The following PGM1 variants were observed in gnomAD, a reference collection of about 807,000 sequenced individuals.
PGM1 encodes phosphoglucomutase-1.
PGM1 carries 52 observed loss-of-function variants against 55.6 expected under a neutral mutation model. That is an observed-to-expected ratio of 0.94 (90% CI 0.75 to 1.18). PGM1 has a LOEUF of 1.18. Among genes scored for constraint, PGM1 ranks in the 50% most tolerant of loss-of-function variants. PGM1 has a pLI of 0.00. For missense variants in PGM1, 724 were observed against 729.3 expected, an observed-to-expected ratio of 0.99 and a Z score of 0.08; for synonymous variants, 287 against 271.7, an observed-to-expected ratio of 1.06 and a Z score of -0.55.
At chr1:63,635,466 A>C (rs1649338489) in intron 5 of PGM1, among the ~76,000 whole-genome samples, 1 of 152,220 alleles carries the variant, frequency 6.6e-6, no homozygotes, top group Admixed American at 6.5e-5. Context: ...GATGATATTG[A>C]GAGAATTAAC....
At position 63,636,347 on chromosome 1, in the gene PGM1, C is replaced by T. The variant is rs79097301; in HGVS notation, c.987C>T (p.Arg329=). 1,299 of 1,614,114 alleles carry T rather than the reference C, an allele frequency of 8.0e-4. 20 individuals carry two copies. The East Asian group carries it at 0.026, about 32-fold the overall frequency. Reference sequence around the variant, plus strand: ...CGTATTTCCAGCAGACTGGGGTCCGCGGCTTTGCACGGAGCATGCCCACGA... The same window carrying T: ...CGTATTTCCAGCAGACTGGGGTCCGTGGCTTTGCACGGAGCATGCCCACGA... ...SIPYFQQTGV[R]GFARSMPTSG... is the part of the protein sequence containing the mutation. The change falls in exon 6 of 11, where the codon CGC becomes CGT. Residue 329 remains arginine, a synonymous_variant. Coordinates refer to ENST00000371084, the MANE Select transcript of PGM1 (RefSeq NM_002633.3).
At position 63,659,952 on chromosome 1, in the gene PGM1, G is replaced by A; in HGVS notation, c.*277G>A. ...GGGTATTTGTCTCCTTAGCCATCAG[G>A]TACAGTTTACACTACAATGTAAGCT... On this transcript the variant is annotated 3_prime_UTR_variant, in exon 11 of 11. Coordinates refer to ENST00000371084, the MANE Select transcript of PGM1 (RefSeq NM_002633.3). 1 of 551,964 alleles carries A rather than the reference G, an allele frequency of 1.8e-6. No homozygotes were observed. The highest frequency in any genetic ancestry group is 3.2e-5 in the East Asian group (1 of 31,136). 34.2% of individuals were successfully genotyped at this position (551,964 alleles called of 1,614,324 possible). A position where few individuals can be genotyped will look rare whatever the true frequency, so the allele number is the denominator to read the frequency against.
intron 1 of PGM1, among the ~76,000 whole-genome samples, chr1:63,611,881 C>T (rs749014611): frequency 2.7e-5 from 4 of 149,048 alleles, no homozygotes; most frequent in Non-Finnish European, 5.9e-5. Context: ...TCCAACCTGG[C>T]AACAGAGCGA....
chr1:63,654,610 A>G, intron 10 of PGM1, 144 bp downstream of exon 10: 2 of 747,822 alleles, frequency 2.7e-6, no homozygotes, highest in Admixed American at 2.4e-5. Context: ...TTCTTTCTCC[A>G]TGTCAACATT....
intron 10 of PGM1, among the ~76,000 whole-genome samples, chr1:63,656,256 T>C (rs1360711158): frequency 1.3e-5 from 2 of 152,184 alleles, no homozygotes; most frequent in East Asian, 3.9e-4. Flanking sequence ...TTAGGATGGC[T>C]GTTCTCAAAA....
chr1:63,625,525 A>G (rs539801334), intron 1 of PGM1, among the ~76,000 whole-genome samples: 2 of 152,314 alleles, frequency 1.3e-5, no homozygotes, highest in East Asian at 3.9e-4. Flanking sequence ...AACATATCCT[A>G]AATTCTGACT....
intron 4 of PGM1, among the ~76,000 whole-genome samples, chr1:63,633,695 T>C (rs903258202): frequency 1.3e-5 from 2 of 150,236 alleles, no homozygotes; most frequent in Admixed American, 1.3e-4. Flanking sequence ...TGAGACGGAG[T>C]CTTGCCCTGT....
At chr1:63,627,065 C>CAA (rs1288108294) in intron 1 of PGM1, among the ~76,000 whole-genome samples, 25 of 98,304 alleles carry the variant, frequency 2.5e-4, no homozygotes, top group African/African-American at 9.1e-4. Flanking sequence ...CCCCCCCCCC[C>CAA]CACACACACA....
intron 1 of PGM1, among the ~76,000 whole-genome samples, chr1:63,613,063 T>A (rs539987662): frequency 6.0e-4 from 92 of 152,194 alleles, no homozygotes; most frequent in African/African-American, 2.1e-3. Context: ...ATGCAGTCTC[T>A]CCATACCACA....
At chr1:63,629,403 T>G in intron 1 of PGM1, 22 bp from the exon 2 acceptor site, 2 of 1,609,154 alleles carry the variant, frequency 1.2e-6, no homozygotes, top group Non-Finnish European at 1.7e-6. Flanking sequence ...TTAAAGAGTG[T>G]GTTCTGGATT....
At chr1:63,597,784 A>G (rs2100953212) in intron 1 of PGM1, among the ~76,000 whole-genome samples, 1 of 152,318 alleles carries the variant, frequency 6.6e-6, no homozygotes, top group African/African-American at 2.4e-5. Context: ...AAGCTCACAA[A>G]TGAATGTGTG....
chr1:63,658,346 T>G (rs1650020133), intron 10 of PGM1, among the ~76,000 whole-genome samples: 1 of 53,492 alleles, frequency 1.9e-5, no homozygotes, highest in African/African-American at 1.9e-4. Flanking sequence ...AGATTAGTAG[T>G]TTTTTTTTTT....
chr1:63,650,850 G>A (rs1334115734), intron 8 of PGM1, among the ~76,000 whole-genome samples: 1 of 151,974 alleles, frequency 6.6e-6, no homozygotes, highest in Non-Finnish European at 1.5e-5. Context: ...GAACCCAAAG[G>A]ACCTTGGACC....
intron 1 of PGM1, among the ~76,000 whole-genome samples, chr1:63,624,778 C>T (rs1305414235): frequency 6.6e-6 from 1 of 152,108 alleles, no homozygotes; most frequent in African/African-American, 2.4e-5. Flanking sequence ...ATATGCTGAG[C>T]AGGTATGTTT....
chr1:63,604,422 A>T (rs1005012133), intron 1 of PGM1, among the ~76,000 whole-genome samples: 1 of 151,728 alleles, frequency 6.6e-6, no homozygotes, highest in Non-Finnish European at 1.5e-5. Context: ...GGCTTCTACT[A>T]CCACATCCAT....
chr1:63,634,376 T>A (rs112292005), intron 4 of PGM1, among the ~76,000 whole-genome samples: 4 of 152,330 alleles, frequency 2.6e-5, no homozygotes, highest in African/African-American at 9.6e-5. Flanking sequence ...TGGAAGAGAC[T>A]GAGGCACAGA....
chr1:63,638,982 C>T (rs927997475), intron 7 of PGM1, among the ~76,000 whole-genome samples, 182 bp downstream of exon 7: 8 of 152,070 alleles, frequency 5.3e-5, no homozygotes, highest in African/African-American at 1.9e-4. Context: ...CACATTCAGC[C>T]AGAAAGGCTA....
intron 1 of PGM1, among the ~76,000 whole-genome samples, chr1:63,596,254 CT>C (rs531673796): frequency 0.011 from 1,177 of 111,316 alleles, 6 homozygotes; most frequent in African/African-American, 0.027. Flanking sequence ...TTTTCTTCTT[CT>C]TTTTTTTTTT....
At chr1:63,649,210 T>C (rs923092348) in intron 8 of PGM1, among the ~76,000 whole-genome samples, 4 of 152,236 alleles carry the variant, frequency 2.6e-5, no homozygotes, top group African/African-American at 9.6e-5. Context: ...CCAAGGGCTA[T>C]ATACTTGTCA....
Sources: allele counts gnomAD v4.1 joint callset (sites outside exome capture counted in the v4.1 genomes callset), GRCh38; gene constraint gnomAD v4.1.1; transcripts MANE v1.5; gene names NCBI Gene and HGNC (gene_info 2026-07-23, HGNC 2026-07-21).